Variants in OPHN1 observed in about 807,000 individuals in gnomAD.
OPHN1 encodes the protein oligophrenin-1.
OPHN1 carries 11 observed loss-of-function variants against 60.7 expected under a neutral mutation model. The observed-to-expected ratio is 0.18, with a 90% confidence interval of 0.11 to 0.30. The LOEUF is 0.30. Among genes scored for constraint, OPHN1 ranks in the 10% least tolerant of loss-of-function variants. OPHN1 has a pLI of 1.00. For missense variants in OPHN1, 449 were observed against 611.0 expected, an observed-to-expected ratio of 0.73 and a Z score of 2.80; for synonymous variants, 226 against 222.6, an observed-to-expected ratio of 1.02 and a Z score of -0.14.
intron 2 of OPHN1, among the ~76,000 whole-genome samples, chrX:68,378,749 G>A (rs1245563083): frequency 1.8e-5 from 2 of 111,296 alleles, no homozygotes; most frequent in Non-Finnish European, 3.8e-5. Context: ...TTGTAGATAT[G>A]TGGCGTTATT....
chrX:68,388,450 A>G lies in OPHN1; in HGVS notation c.154+44417T>C, dbSNP rs7887727. On this transcript the variant is annotated intron_variant, in intron 2 of 24. Transcript: ENST00000355520. ...ACCCCCGACTGGGTGATAGAGGGAG[A>G]CTCTGTCTCAAAAAAAAAAAAAAAG... Among the ~76,000 whole-genome samples, 756 of 100,325 alleles carry G rather than the reference A, an allele frequency of 7.5e-3. 9 individuals are homozygous for G. Among genetic ancestry groups the G allele is most frequent in the African/African-American group, 0.027 (729 of 27,030 alleles). The allele number at this position is 100,325 out of a possible 115,157, so 87.1% of individuals were successfully genotyped here. A position where few individuals can be genotyped will look rare whatever the true frequency, so the allele number is the denominator to read the frequency against.
At chrX:68,334,458 A>G (rs2078312102) in intron 2 of OPHN1, among the ~76,000 whole-genome samples, 1 of 111,300 alleles carries the variant, frequency 9.0e-6, no homozygotes, top group Non-Finnish European at 1.9e-5. Context: ...GTATTTTAAT[A>G]TACACAATTT....
intron 2 of OPHN1, 30 bp from the exon 3 acceptor site, chrX:68,299,126 T>A (rs1333686767): frequency 8.7e-6 from 8 of 915,704 alleles, no homozygotes; most frequent in Non-Finnish European, 1.3e-5. Context: ...AGAGAAATGT[T>A]CAACAATGCT....
At chrX:68,307,458 C>CAA (rs757375176) in intron 2 of OPHN1, among the ~76,000 whole-genome samples, 4 of 50,189 alleles carry the variant, frequency 8.0e-5, no homozygotes, top group Admixed American at 5.1e-4. Context: ...CCTATGTCAA[C>CAA]AAAAAAAAAA....
At chrX:68,214,939 G>A in intron 6 of OPHN1, among the ~76,000 whole-genome samples, 1 of 112,006 alleles carries the variant, frequency 8.9e-6, no homozygotes, top group Middle Eastern at 4.6e-3. Context: ...GAAGACTGCA[G>A]TGAGCCGAGA....
At chrX:68,420,040 G>A (rs974992820) in intron 2 of OPHN1, among the ~76,000 whole-genome samples, 1 of 111,111 alleles carries the variant, frequency 9.0e-6, no homozygotes, top group Non-Finnish European at 1.9e-5. Flanking sequence ...ATAGCACATA[G>A]AAATTCTTAC....
At position 68,256,645 on chromosome X, in the gene OPHN1, G is replaced by A. The variant is rs561621990; in HGVS notation, c.384+18093C>T. On this transcript the variant is annotated intron_variant, in intron 5 of 24. Coordinates refer to ENST00000355520, the MANE Select transcript of OPHN1 (RefSeq NM_002547.3). ...GTGTACCAGCATCATTTTTCCAACAGCATGTGCTGACTTCATGTCTCTGTG... is the reference window on the plus strand; with the variant it reads ...GTGTACCAGCATCATTTTTCCAACAACATGTGCTGACTTCATGTCTCTGTG... 1.4e-4 allele frequency among the ~76,000 whole-genome samples: 16 copies of A among 111,968 alleles called. No individual in the cohort carries two copies. The Admixed American group carries it at 1.5e-3, about 11-fold the overall frequency.
chrX:68,349,819 A>G, intron 2 of OPHN1, among the ~76,000 whole-genome samples: 1 of 110,932 alleles, frequency 9.0e-6, no homozygotes, highest in South Asian at 3.9e-4. Context: ...TCAGAAAACC[A>G]AACACTGCAT....
In OPHN1 at chrX:68,131,190, T is replaced by TTTTATTTATTTA. The variant is rs60984024; in HGVS notation, c.1277-11870_1277-11859dup. ...AAGCATTAAATTAAACAAAGAACAC[T>TTTTATTTATTTA]TTTATTTATTTATTTATTTATTTAT... is the stretch of plus-strand genomic sequence containing the variant. On this transcript the variant is annotated intron_variant, in intron 15 of 24. Transcript: ENST00000355520. 6.8e-3 allele frequency among the ~76,000 whole-genome samples: 665 copies of TTTTATTTATTTA among 98,492 alleles called. 10 individuals are homozygous for TTTTATTTATTTA. Among genetic ancestry groups the TTTTATTTATTTA allele is most frequent in the African/African-American group, 0.024 (603 of 25,550 alleles). The allele number at this position is 98,492 out of a possible 115,157, so 85.5% of individuals were successfully genotyped here.
chrX:68,183,141 T>C (rs1041571970), intron 15 of OPHN1, among the ~76,000 whole-genome samples: 7 of 112,010 alleles, frequency 6.2e-5, no homozygotes, highest in African/African-American at 2.3e-4. Context: ...TAAGAAATTC[T>C]ACTCAAGATG....
chrX:68,400,348 C>T (rs772074497), intron 2 of OPHN1, among the ~76,000 whole-genome samples: 1 of 111,375 alleles, frequency 9.0e-6, no homozygotes, highest in African/African-American at 3.3e-5. Flanking sequence ...AACCCTCTAC[C>T]GGTGATATTA....
At chrX:68,152,959 C>T (rs931634537) in intron 15 of OPHN1, among the ~76,000 whole-genome samples, 2 of 109,276 alleles carry the variant, frequency 1.8e-5, no homozygotes, top group Admixed American at 1.9e-4. Flanking sequence ...ATCTGTAATC[C>T]CAGCACTTTG....
chrX:68,170,168 A>G (rs1408212523), intron 15 of OPHN1, among the ~76,000 whole-genome samples: 25 of 109,218 alleles, frequency 2.3e-4, no homozygotes, highest in Admixed American at 2.0e-3. Flanking sequence ...GCAGCCAAAA[A>G]ACACATGAAA....
At chrX:68,069,120 G>C (rs1367739154) in intron 20 of OPHN1, among the ~76,000 whole-genome samples, 1 of 112,020 alleles carries the variant, frequency 8.9e-6, no homozygotes, top group Non-Finnish European at 1.9e-5. Context: ...CCTCATTGGA[G>C]ATCTTCTGTC....
intron 2 of OPHN1, among the ~76,000 whole-genome samples, chrX:68,356,065 G>A (rs1275525246): frequency 3.6e-5 from 4 of 109,653 alleles, no homozygotes; most frequent in Non-Finnish European, 3.8e-5. Context: ...AAAAAAAATC[G>A]CCAAATGTTA....
intron 2 of OPHN1, among the ~76,000 whole-genome samples, chrX:68,393,974 C>CA (rs1196337782): frequency 3.3e-5 from 3 of 91,531 alleles, no homozygotes; most frequent in Non-Finnish European, 6.3e-5. Context: ...CGGCTCACTG[C>CA]AAGCTCCGCC....
At chrX:68,079,307 C>G (rs923766573) in intron 19 of OPHN1, among the ~76,000 whole-genome samples, 1 of 111,796 alleles carries the variant, frequency 8.9e-6, no homozygotes, top group African/African-American at 3.3e-5. Context: ...ACTTTCCAGA[C>G]AGTTAAGTCT....
At chrX:68,105,867 A>T in intron 18 of OPHN1, among the ~76,000 whole-genome samples, 1 of 110,715 alleles carries the variant, frequency 9.0e-6, no homozygotes, top group Non-Finnish European at 1.9e-5. Context: ...ACATAAATAA[A>T]ATGTGTTCCT....
intron 2 of OPHN1, among the ~76,000 whole-genome samples, chrX:68,402,733 GA>G (rs1450138360): frequency 8.9e-6 from 1 of 111,748 alleles, no homozygotes; most frequent in East Asian, 2.8e-4. Context: ...AAAATCTTCA[GA>G]AGAGTGCTTA....
Sources: allele counts gnomAD v4.1 joint callset (sites outside exome capture counted in the v4.1 genomes callset), GRCh38; gene constraint gnomAD v4.1.1; transcripts MANE v1.5; gene names NCBI Gene and HGNC (gene_info 2026-07-23, HGNC 2026-07-21).